Variants in DIAPH2 observed in about 807,000 individuals in gnomAD.
DIAPH2 encodes diaphanous related formin 2.
Under a neutral mutation model 92.7 loss-of-function variants are expected in DIAPH2, and 35 were observed. The ratio of observed to expected loss-of-function variants is 0.38; its 90% CI spans 0.29 to 0.50. The LOEUF is 0.50. DIAPH2 is among the 20% of genes least tolerant of loss of function. The probability of loss-of-function intolerance (pLI) is 0.94; values close to 1 mark genes in which losing one functional copy is unlikely to be tolerated. For missense variants in DIAPH2, 701 were observed against 819.5 expected (o/e 0.86, Z 1.77); for synonymous variants, 301 against 280.4 (o/e 1.07, Z -0.73).
At chrX:97,112,254 T>A (rs1482654051) in intron 20 of DIAPH2, among the ~76,000 whole-genome samples, 1 of 111,586 alleles carries the variant, frequency 9.0e-6, no homozygotes. Flanking sequence ...CTGGTGAACA[T>A]GGCCCCTATA....
At chrX:97,485,655 T>G (rs1398910334) in intron 26 of DIAPH2, among the ~76,000 whole-genome samples, 1 of 113,050 alleles carries the variant, frequency 8.8e-6, no homozygotes, top group Non-Finnish European at 1.9e-5. Context: ...CAGCTTTTGT[T>G]GAATATTCCT....
At chrX:96,852,502 A>G (rs1006423858) in intron 4 of DIAPH2, among the ~76,000 whole-genome samples, 1 of 112,043 alleles carries the variant, frequency 8.9e-6, no homozygotes, top group Non-Finnish European at 1.9e-5. Context: ...ACTCCTTACT[A>G]TTACAGCTGG....
chrX:96,728,259 G>T (rs1200927471), intron 1 of DIAPH2, among the ~76,000 whole-genome samples: 1 of 108,734 alleles, frequency 9.2e-6, no homozygotes, highest in African/African-American at 3.3e-5. Context: ...GCCCAGGCTG[G>T]AATGTAATGG....
intron 17 of DIAPH2, among the ~76,000 whole-genome samples, chrX:97,038,100 A>G (rs1394851771): frequency 9.0e-6 from 1 of 111,381 alleles, no homozygotes; most frequent in Non-Finnish European, 1.9e-5. Flanking sequence ...ATAAGTGACA[A>G]CATGCAGTAT....
At chrX:96,998,140 T>A (rs955243188) in intron 17 of DIAPH2, among the ~76,000 whole-genome samples, 4 of 112,170 alleles carry the variant, frequency 3.6e-5, no homozygotes, top group African/African-American at 1.3e-4. Context: ...GTGATATAAC[T>A]CGTGTATTTT....
In DIAPH2 at chrX:96,839,038, A is replaced by G. The variant is rs763831136; in HGVS notation, c.448-42541A>G. Among the ~76,000 whole-genome samples the G allele has an allele frequency of 5.4e-5, 6 of 111,381 alleles. No individual in the cohort carries two copies. The South Asian group carries it at 2.3e-3, about 42-fold the overall frequency. ...CTCATTTGTTAATTAGAGAGAAAAA[A>G]CCCTATATTCCACAATACATCTATA... On this transcript the variant is annotated intron_variant, in intron 4 of 26. Transcript: ENST00000324765.
chrX:97,370,676 A>G (rs1281650978), intron 24 of DIAPH2, among the ~76,000 whole-genome samples: 3 of 111,950 alleles, frequency 2.7e-5, no homozygotes, highest in East Asian at 2.8e-4. Flanking sequence ...GGAGTACTAA[A>G]TATTTGTAAT....
intron 25 of DIAPH2, among the ~76,000 whole-genome samples, chrX:97,417,534 G>C (rs900941846): frequency 9.0e-6 from 1 of 111,256 alleles, no homozygotes; most frequent in Non-Finnish European, 1.9e-5. Context: ...ATTAGCCTGG[G>C]CGTGGTGTCA....
intron 10 of DIAPH2, among the ~76,000 whole-genome samples, chrX:96,935,563 G>A (rs1225535811): frequency 9.0e-6 from 1 of 110,766 alleles, no homozygotes; most frequent in East Asian, 2.8e-4. Flanking sequence ...AATTAAATGA[G>A]GACTGACTTT....
intron 17 of DIAPH2, among the ~76,000 whole-genome samples, chrX:97,040,527 T>A (rs776796865): frequency 1.5e-4 from 17 of 110,705 alleles, no homozygotes; most frequent in Non-Finnish European, 3.2e-4. Context: ...TTTGAAGGAT[T>A]TTTATTTTAA....
At chrX:96,957,736 TA>T in intron 15 of DIAPH2, 91 bp from the exon 16 acceptor site, 1 of 663,093 alleles carries the variant, frequency 1.5e-6, no homozygotes, top group Non-Finnish European at 2.3e-6. Flanking sequence ...AAACATAAGA[TA>T]AATAAACTAC....
At chrX:97,566,736 A>T (rs2071330115) in intron 26 of DIAPH2, among the ~76,000 whole-genome samples, 1 of 111,805 alleles carries the variant, frequency 8.9e-6, no homozygotes, top group South Asian at 3.8e-4. Context: ...AGGTAGCGAC[A>T]TATATGTATT....
chrX:97,174,426 A>C (rs2067477386), intron 22 of DIAPH2, among the ~76,000 whole-genome samples: 1 of 111,755 alleles, frequency 8.9e-6, no homozygotes, highest in African/African-American at 3.2e-5. Context: ...TGTGTTGGCA[A>C]GGAGGACGCT....
intron 25 of DIAPH2, among the ~76,000 whole-genome samples, chrX:97,402,141 C>T (rs1312682584): frequency 9.0e-6 from 1 of 110,667 alleles, no homozygotes; most frequent in Non-Finnish European, 1.9e-5. Context: ...TAATATATTG[C>T]CATGTTCTTA....
In DIAPH2 at chrX:96,751,659, T is replaced by G. The variant is rs1311003982; in HGVS notation, c.343-6495T>G. ...ACTAGACTTCAGTGTTTTGTTTTTT[T>G]TTTTTTTTTTTTGAGACGAAGTCTC... On this transcript the variant is annotated intron_variant, in intron 3 of 26. Transcript: ENST00000324765. 2.7e-5 allele frequency among the ~76,000 whole-genome samples: 2 copies of G among 73,905 alleles called. 1 individual carries two copies. Among genetic ancestry groups the G allele is most frequent in the Admixed American group, 3.0e-4 (2 of 6,689 alleles). The allele number at this position is 73,905 out of a possible 115,157, so 64.2% of individuals were successfully genotyped here. A position where few individuals can be genotyped will look rare whatever the true frequency, so the allele number is the denominator to read the frequency against.
chrX:96,962,509 A>G (rs1351077143), intron 16 of DIAPH2, among the ~76,000 whole-genome samples: 4 of 87,232 alleles, frequency 4.6e-5, no homozygotes, highest in Non-Finnish European at 8.5e-5. Flanking sequence ...ATATATATAT[A>G]TATATATATA....
At chrX:96,905,360 A>G (rs748120605) in intron 5 of DIAPH2, among the ~76,000 whole-genome samples, 3 of 111,424 alleles carry the variant, frequency 2.7e-5, no homozygotes, top group Non-Finnish European at 3.8e-5. Context: ...CTGAATCTCA[A>G]ATTTATGGGA....
intron 22 of DIAPH2, among the ~76,000 whole-genome samples, chrX:97,146,600 G>A (rs1213194165): frequency 9.0e-6 from 1 of 111,098 alleles, no homozygotes; most frequent in Admixed American, 9.6e-5. Context: ...ACCTTGAAGT[G>A]AAAGGCAAAC....
intron 17 of DIAPH2, among the ~76,000 whole-genome samples, chrX:97,008,945 T>G (rs893433135): frequency 6.3e-5 from 7 of 111,132 alleles, no homozygotes; most frequent in African/African-American, 2.3e-4. Flanking sequence ...CTGTGTTTGC[T>G]CAAGGCCCTA....
Sources: gnomAD v4.1 joint callset for allele counts (sites outside exome capture counted in the v4.1 genomes callset) on GRCh38, gnomAD v4.1.1 for gene constraint, MANE v1.5 for transcripts, NCBI Gene and HGNC (gene_info 2026-07-23, HGNC 2026-07-21) for gene names.